Variants in CNNM3 observed in about 807,000 individuals in gnomAD.
The protein encoded by CNNM3 is metal transporter CNNM3.
CNNM3 carries 47 observed loss-of-function variants against 57.1 expected under a neutral mutation model. The ratio of observed to expected loss-of-function variants is 0.82; its 90% CI spans 0.65 to 1.05. The LOEUF is 1.05. Ranked by LOEUF, CNNM3 falls within the 50% of genes least tolerant of loss-of-function variation. CNNM3 has a pLI of 0.00. For synonymous variants in CNNM3, 507 were observed against 478.2 expected, an observed-to-expected ratio of 1.06 and a Z score of -0.79; for missense variants, 957 against 973.7, an observed-to-expected ratio of 0.98 and a Z score of 0.23.
In CNNM3 at chr2:96,826,821, C is replaced by A. The variant is rs1468452589; in HGVS notation, c.1370-12C>A. On this transcript the variant is annotated splice_polypyrimidine_tract_variant and intron_variant, in intron 2 of 7. Transcript: ENST00000305510. ...GGCTGATGCCTGAGCGCGCCCTCTT[C>A]TTCCATCTTAGGAGACACCGTGGTG... is the stretch of plus-strand genomic sequence containing the variant. 1 of 1,614,032 alleles carries A rather than the reference C, an allele frequency of 6.2e-7. No homozygotes were observed. Among genetic ancestry groups the A allele is most frequent in the Non-Finnish European group, 8.5e-7 (1 of 1,179,962 alleles).
At chr2:96,826,555 A>C (rs1352959463) in intron 2 of CNNM3, among the ~76,000 whole-genome samples, 3 of 152,194 alleles carry the variant, frequency 2.0e-5, no homozygotes, top group Non-Finnish European at 4.4e-5. Context: ...GTGACCTATC[A>C]GGGATGCTTG....
rs2079671352 is a variant in CNNM3 at position 96,835,166 on chromosome 2, T to A, written c.*2550T>A. ...TTCTTATTTTGTCATTTCAAGAATG[T>A]TGTATAAATGGGAGCATAGTGTGTA... On this transcript the variant is annotated 3_prime_UTR_variant, in exon 8 of 8. Coordinates refer to ENST00000305510, the MANE Select transcript of CNNM3 (RefSeq NM_017623.5). Among the ~76,000 whole-genome samples the A allele has an allele frequency of 6.6e-6, 1 of 152,230 alleles. No individual in the cohort carries two copies. Among genetic ancestry groups the A allele is most frequent in the South Asian group, 2.1e-4 (1 of 4,832 alleles).
chr2:96,828,519 C>T, intron 5 of CNNM3, 48 bp from the exon 6 acceptor site: 1 of 1,611,658 alleles, frequency 6.2e-7, no homozygotes, highest in East Asian at 2.2e-5. Context: ...GGAGGAGGCT[C>T]CCAGCTGCCA....
intron 7 of CNNM3, 64 bp from the exon 8 acceptor site, chr2:96,832,488 A>G (rs923386821): frequency 3.1e-6 from 5 of 1,606,146 alleles, no homozygotes; most frequent in Non-Finnish European, 3.4e-6. Context: ...AGGATTTGGC[A>G]CTTGGTTTTG....
In CNNM3 at chr2:96,834,075, AC is replaced by A. The variant is rs1307786846; in HGVS notation, c.*1462del. ...TGGGATTACAGGTGCCCACCACCAC[AC>A]CCGGCTAATTTTTGTATTTTTAGTA... On this transcript the variant is annotated 3_prime_UTR_variant, in exon 8 of 8. Transcript: ENST00000305510. 1.3e-5 allele frequency among the ~76,000 whole-genome samples: 2 copies of A among 151,916 alleles called. No homozygotes were observed. Among genetic ancestry groups the A allele is most frequent in the Non-Finnish European group, 2.9e-5 (2 of 67,990 alleles).
At chr2:96,830,332 C>G (rs952750830) in intron 7 of CNNM3, among the ~76,000 whole-genome samples, 2 of 152,050 alleles carry the variant, frequency 1.3e-5, no homozygotes, top group Non-Finnish European at 2.9e-5. Context: ...TCTAACTCTG[C>G]TAACCTCCCC....
chr2:96,831,086 A>G (rs2079594997), intron 7 of CNNM3, among the ~76,000 whole-genome samples: 1 of 152,226 alleles, frequency 6.6e-6, no homozygotes, highest in East Asian at 1.9e-4. Flanking sequence ...AGATTTTTAA[A>G]TAATCTTCAC....
intron 1 of CNNM3, among the ~76,000 whole-genome samples, chr2:96,823,229 G>A (rs1466275972): frequency 6.6e-6 from 1 of 152,218 alleles, no homozygotes; most frequent in African/African-American, 2.4e-5. Context: ...TTGTTCTAGA[G>A]AAGTTTGAAA....
chr2:96,835,629 G>A (rs1341100087), downstream of CNNM3, among the ~76,000 whole-genome samples: 1 of 151,984 alleles, frequency 6.6e-6, no homozygotes, highest in Non-Finnish European at 1.5e-5. Context: ...CACCACGCCC[G>A]GCTAGTTTTT....
chr2:96,835,754 A>G (rs2079682781), downstream of CNNM3, among the ~76,000 whole-genome samples: 1 of 152,190 alleles, frequency 6.6e-6, no homozygotes, highest in Non-Finnish European at 1.5e-5. Flanking sequence ...GGCGTGAGCC[A>G]CCGCACCTGG....
rs553701967 is a variant in CNNM3, at chr2:96,832,758, T to C, written c.*142T>C. 1.3e-6 allele frequency: 2 copies of C among 1,522,992 alleles called. No homozygotes were observed. Among genetic ancestry groups the C allele is most frequent in the South Asian group, 2.5e-5 (2 of 81,578 alleles). 94.3% of individuals were successfully genotyped at this position (1,522,992 alleles called of 1,614,324 possible). A position where few individuals can be genotyped will look rare whatever the true frequency, so the allele number is the denominator to read the frequency against. ...GGCCCTTGTAGTTGCGGGTCCTGGG[T>C]GTCCTCAGAACTAGACATCAATGCC... On this transcript the variant is annotated 3_prime_UTR_variant, in exon 8 of 8. Coordinates refer to ENST00000305510, the MANE Select transcript of CNNM3 (RefSeq NM_017623.5).
rs1335343890 is a variant in CNNM3, at chr2:96,827,853, C to G, written c.1642C>G (p.Leu548Val). ...ESNRLATHHY[L>V]YQRSQPVDYF... The stretch of plus-strand genomic sequence containing the variant: ...CAACCGGCTGGCCACACACCACTAC[C>G]TGTACCAGCGCAGCCAGCCGGTGGA... Residue 548 changes from leucine to valine, a missense_variant, in exon 4 of 8, where the codon CTG (leucine) becomes GTG (valine). Physicochemically the swap from Leu to Val is conservative, Grantham distance 32. This residue lies in a region of CNNM3 where 491 missense variants were observed against 570.6 expected (regional missense o/e 0.86). Transcript: ENST00000305510. 1.2e-6 allele frequency: 2 copies of G among 1,614,138 alleles called. No individual in the cohort carries two copies. Among genetic ancestry groups the G allele is most frequent in the Admixed American group, 1.7e-5 (1 of 60,028 alleles).
chr2:96,833,208 C>G lies in CNNM3; in HGVS notation c.*592C>G, dbSNP rs1014367702. ...GTGCCAAACCAGAAGCTCCACTGCCCGTAGGCTGTCCCTGTAGCCCTGCTC... is the reference window on the plus strand; with the variant it reads ...GTGCCAAACCAGAAGCTCCACTGCCGGTAGGCTGTCCCTGTAGCCCTGCTC... On this transcript the variant is annotated 3_prime_UTR_variant, in exon 8 of 8. Transcript: ENST00000305510. 1.6e-5 allele frequency: 6 copies of G among 377,264 alleles called. No homozygotes were observed. The highest frequency in any genetic ancestry group is 3.1e-5 in the Non-Finnish European group (6 of 194,002). 23.4% of individuals were successfully genotyped at this position (377,264 alleles called of 1,614,324 possible). A position where few individuals can be genotyped will look rare whatever the true frequency, so the allele number is the denominator to read the frequency against.
rs1051375019 is a variant in CNNM3 at position 96,827,791 on chromosome 2, A to T, written c.1580A>T (p.His527Leu). The change falls in exon 4 of 8, where the codon CAT becomes CTT. Residue 527 changes from histidine to leucine, a missense_variant. His to Leu is a moderately conservative substitution (Grantham distance 99). Transcript: ENST00000305510. The stretch of plus-strand genomic sequence containing the variant: ...AAGGTCCTGCTGCACCTGTTGAAGC[A>T]TCCCAGTGTCAACCAGGAAGTGAGG... ...SEKVLLHLLK[H>L]PSVNQEVRFD... 6.2e-7 allele frequency: 1 copy of T among 1,614,204 alleles called. No homozygotes were observed. The highest frequency in any genetic ancestry group is 2.2e-5 in the East Asian group (1 of 44,876).
rs1160706586 is a variant in CNNM3, at chr2:96,827,835, C to T, written c.1624C>T (p.Leu542=). Residue 542 remains leucine, a synonymous_variant, in exon 4 of 8, where the codon CTG becomes TTG. Transcript: ENST00000305510. The part of the protein sequence containing the change: ...QEVRFDESNR[L]ATHHYLYQRS... ...AGTGAGGTTTGACGAGAGCAACCGGCTGGCCACACACCACTACCTGTACCA... is the reference window on the plus strand; with the variant it reads ...AGTGAGGTTTGACGAGAGCAACCGGTTGGCCACACACCACTACCTGTACCA... 6.2e-7 allele frequency: 1 copy of T among 1,614,066 alleles called. No individual in the cohort carries two copies. The highest frequency in any genetic ancestry group is 8.5e-7 in the Non-Finnish European group (1 of 1,180,034).
chr2:96,837,259 G>A (rs2079702066), downstream of CNNM3: 1 of 152,176 alleles, frequency 6.6e-6, no homozygotes, highest in Admixed American at 6.5e-5. Flanking sequence ...GATTTTGATA[G>A]GAACTGCATT....
chr2:96,823,138 C>G (rs2079436067), intron 1 of CNNM3, among the ~76,000 whole-genome samples: 2 of 152,202 alleles, frequency 1.3e-5, no homozygotes, highest in Non-Finnish European at 2.9e-5. Context: ...GACCACTGTT[C>G]CAGGGGATCT....
chr2:96,819,544 AG>A (rs1407732958), intron 1 of CNNM3, among the ~76,000 whole-genome samples: 1 of 152,196 alleles, frequency 6.6e-6, no homozygotes, highest in Non-Finnish European at 1.5e-5. Flanking sequence ...CCAATCCAGG[AG>A]CAAGGGGTGA....
Position 96,834,518 on chromosome 2 carries a change from T to C in CNNM3, c.*1902T>C, listed in dbSNP as rs191680417. ...CACCACCACACCCAGCTAATACTTT[T>C]AATTTTTTTTTGTAGAGATAGGGTC... On this transcript the variant is annotated 3_prime_UTR_variant, in exon 8 of 8. Transcript: ENST00000305510. 1.3e-5 allele frequency among the ~76,000 whole-genome samples: 2 copies of C among 151,678 alleles called. No individual in the cohort carries two copies. Among genetic ancestry groups the C allele is most frequent in the East Asian group, 3.9e-4 (2 of 5,166 alleles).
Sources: gnomAD v4.1 joint callset for allele counts (sites outside exome capture counted in the v4.1 genomes callset) on GRCh38, gnomAD v4.1.1 for gene constraint, gnomAD v4.1.1 regional missense constraint, MANE v1.5 for transcripts, NCBI Gene and HGNC (gene_info 2026-07-23, HGNC 2026-07-21) for gene names.